Variants in DENND6A observed in about 807,000 individuals in gnomAD.
The protein encoded by DENND6A is DENN domain containing 6A.
DENND6A carries 43 observed loss-of-function variants against 95.5 expected under a neutral mutation model. The observed-to-expected ratio is 0.45, with a 90% CI of 0.35 to 0.58. DENND6A has a LOEUF of 0.58. Among genes scored for constraint, DENND6A ranks in the 20% least tolerant of loss-of-function variants. DENND6A has a pLI of 0.00. For missense variants in DENND6A, 574 were observed against 736.0 expected, an observed-to-expected ratio of 0.78 and a Z score of 2.55; for synonymous variants, 257 against 260.4, an observed-to-expected ratio of 0.99 and a Z score of 0.13.
chr3:57,660,391 G>A (rs902123996), intron 7 of DENND6A, among the ~76,000 whole-genome samples: 3 of 152,042 alleles, frequency 2.0e-5, no homozygotes, highest in Admixed American at 6.6e-5. Context: ...ATGTTGCCCA[G>A]GGTGGTCTTC....
At chr3:57,628,737 G>T in intron 19 of DENND6A, 74 bp downstream of exon 19, 6 of 1,455,276 alleles carry the variant, frequency 4.1e-6, no homozygotes, top group Middle Eastern at 1.8e-4. Flanking sequence ...ACTATCATGG[G>T]TTGTCAGCTC....
At chr3:57,669,442 G>A (rs769616041) in intron 3 of DENND6A, among the ~76,000 whole-genome samples, 5 of 152,046 alleles carry the variant, frequency 3.3e-5, no homozygotes, top group Non-Finnish European at 7.4e-5. Context: ...TCAGTCAGGC[G>A]TGGTAGCTCA....
chr3:57,662,943 A>AC (rs894668537), intron 5 of DENND6A, among the ~76,000 whole-genome samples: 6 of 151,572 alleles, frequency 4.0e-5, no homozygotes, highest in Non-Finnish European at 7.4e-5. Context: ...ACATGGTGAG[A>AC]CCCCGTCTCT....
intron 1 of DENND6A, among the ~76,000 whole-genome samples, chr3:57,687,051 G>T (rs961865979): frequency 1.3e-5 from 2 of 152,064 alleles, no homozygotes; most frequent in Non-Finnish European, 2.9e-5. Context: ...ATGCAACAGG[G>T]TCTCACCACG....
At position 57,634,890 on chromosome 3, in the gene DENND6A, A is replaced by G. The variant is rs374271341; in HGVS notation, c.1133-121T>C. ...GTATGTTATAATGAAAGGATTCTTA[A>G]CATCTATTAATATGTTAAGGGTTCA... On this transcript the variant is annotated intron_variant, in intron 12 of 19. Coordinates refer to ENST00000311128, the MANE Select transcript of DENND6A (RefSeq NM_152678.3). 4.4e-4 allele frequency: 342 copies of G among 776,510 alleles called. 2 individuals are homozygous for G. In the South Asian group the frequency reaches 7.3e-3, roughly 17 times the overall value. The allele number at this position is 776,510 out of a possible 1,614,324, so 48.1% of individuals were successfully genotyped here. A position where few individuals can be genotyped will look rare whatever the true frequency, so the allele number is the denominator to read the frequency against.
intron 9 of DENND6A, among the ~76,000 whole-genome samples, chr3:57,657,169 C>G (rs560773988): frequency 6.6e-6 from 1 of 152,136 alleles, no homozygotes; most frequent in Non-Finnish European, 1.5e-5. Flanking sequence ...TCCTCTATTT[C>G]TTTTCTAAGT....
intron 11 of DENND6A, among the ~76,000 whole-genome samples, chr3:57,643,813 C>T (rs868587868): frequency 1.1e-4 from 16 of 145,514 alleles, no homozygotes; most frequent in South Asian, 1.1e-3. Context: ...GGCAACAGAG[C>T]GAGACTCTGT....
In DENND6A at chr3:57,645,110, AG is replaced by A. The variant is rs148838657; in HGVS notation, c.1037+550del. ...AGATTGAAAAGATTTTTCATAAAGAAGTACAACTGAAAGTACAACCCAGTCG... is the reference window on the plus strand; with the variant it reads ...AGATTGAAAAGATTTTTCATAAAGAATACAACTGAAAGTACAACCCAGTCG... On this transcript the variant is annotated intron_variant, in intron 11 of 19. Coordinates refer to ENST00000311128, the MANE Select transcript of DENND6A (RefSeq NM_152678.3). Among the ~76,000 whole-genome samples, 1,035 of 152,302 alleles carry A rather than the reference AG, an allele frequency of 6.8e-3. 12 individuals carry two copies. The highest frequency in any genetic ancestry group is 0.023 in the African/African-American group (962 of 41,556).
intron 1 of DENND6A, 31 bp from the exon 2 acceptor site, chr3:57,672,469 A>C: frequency 6.3e-7 from 1 of 1,598,964 alleles, no homozygotes. Flanking sequence ...TTTGTTAAAC[A>C]TATTATAAAC....
At chr3:57,678,783 T>A (rs1236254196) in intron 1 of DENND6A, among the ~76,000 whole-genome samples, 1 of 152,198 alleles carries the variant, frequency 6.6e-6, no homozygotes, top group Non-Finnish European at 1.5e-5. Flanking sequence ...TTCCCCAGCC[T>A]CCAGAACCAA....
At chr3:57,651,955 C>T (rs2071218528) in intron 9 of DENND6A, among the ~76,000 whole-genome samples, 1 of 152,086 alleles carries the variant, frequency 6.6e-6, no homozygotes, top group African/African-American at 2.4e-5. Flanking sequence ...ACTCCTGTAA[C>T]CCCAACACCT....
chr3:57,636,663 G>A (rs1332186891), intron 12 of DENND6A, among the ~76,000 whole-genome samples: 2 of 152,092 alleles, frequency 1.3e-5, no homozygotes, highest in South Asian at 2.1e-4. Context: ...TTGGCCGGGC[G>A]TGGTGGCTCA....
chr3:57,647,278 G>A (rs2071098958), intron 9 of DENND6A, among the ~76,000 whole-genome samples: 1 of 152,134 alleles, frequency 6.6e-6, no homozygotes, highest in Non-Finnish European at 1.5e-5. Context: ...AACAAGATAA[G>A]TGCCACAAAA....
intron 3 of DENND6A, among the ~76,000 whole-genome samples, chr3:57,667,442 C>A (rs1274926477): frequency 1.3e-5 from 2 of 152,204 alleles, no homozygotes; most frequent in Non-Finnish European, 2.9e-5. Context: ...CAGGCGAGAG[C>A]CACCACACCT....
chr3:57,687,998 G>C (rs2077226643), intron 1 of DENND6A, among the ~76,000 whole-genome samples: 1 of 143,782 alleles, frequency 7.0e-6, no homozygotes, highest in Non-Finnish European at 1.6e-5. Flanking sequence ...TTGTTTTTTG[G>C]GTTTGTTTTT....
At chr3:57,631,480 T>A (rs2070672199) in intron 15 of DENND6A, among the ~76,000 whole-genome samples, 1 of 151,166 alleles carries the variant, frequency 6.6e-6, no homozygotes, top group Non-Finnish European at 1.5e-5. Flanking sequence ...AGGCGTGAAC[T>A]ACCGCGCCCA....
chr3:57,631,971 C>T (rs1292261766), intron 15 of DENND6A, among the ~76,000 whole-genome samples: 1 of 146,484 alleles, frequency 6.8e-6, no homozygotes, highest in Admixed American at 6.9e-5. Context: ...ATCCGCCCGC[C>T]TCGGCCTCCC....
intron 1 of DENND6A, among the ~76,000 whole-genome samples, chr3:57,680,598 G>T (rs954423010): frequency 2.6e-5 from 4 of 152,194 alleles, no homozygotes; most frequent in Admixed American, 1.3e-4. Context: ...TTTATAAGCT[G>T]CCCAGTTTGT....
At chr3:57,646,567 C>A (rs972996637) in intron 9 of DENND6A, 129 bp from the exon 10 acceptor site, 6 of 1,285,874 alleles carry the variant, frequency 4.7e-6, no homozygotes, top group Admixed American at 6.4e-5. Flanking sequence ...TGATCTGATA[C>A]ACAAATTCAT....
Sources: gnomAD v4.1 joint callset for allele counts (sites outside exome capture counted in the v4.1 genomes callset) on GRCh38, gnomAD v4.1.1 for gene constraint, MANE v1.5 for transcripts, NCBI Gene and HGNC (gene_info 2026-07-23, HGNC 2026-07-21) for gene names.